ZNF382: variants seen among roughly 807,000 people sequenced by gnomAD.
The protein encoded by ZNF382 is KRAB/zinc finger suppressor protein 1.
ZNF382 carries 20 observed loss-of-function variants against 38.8 expected under a neutral mutation model. The observed-to-expected ratio is 0.51, with a 90% CI of 0.36 to 0.75. ZNF382 has a LOEUF of 0.75. Among genes scored for constraint, ZNF382 ranks in the 30% least tolerant of loss-of-function variants. The probability of loss-of-function intolerance (pLI) is 0.00; values close to 1 mark genes in which losing one functional copy is unlikely to be tolerated. For missense variants in ZNF382, 546 were observed against 654.1 expected (o/e 0.83, Z 1.80); for synonymous variants, 202 against 223.1 (o/e 0.91, Z 0.84).
At chr19:36,617,784 G>A (rs2037136957) in intron 4 of ZNF382, among the ~76,000 whole-genome samples, 1 of 152,166 alleles carries the variant, frequency 6.6e-6, no homozygotes, top group Admixed American at 6.6e-5. Flanking sequence ...ATGGTGATCA[G>A]ATATCACCTG....
At position 36,619,729 on chromosome 19, in the gene ZNF382, GTT is replaced by G. The variant is rs66531552; in HGVS notation, c.233-6389_233-6388del. ...GTTACACTATTCAGAAATTAAAAGAGTTTTTTTTTTTTTCTTTTTGAGATGGA... is the reference window on the plus strand; with the variant it reads ...GTTACACTATTCAGAAATTAAAAGAGTTTTTTTTTTTCTTTTTGAGATGGA... On this transcript the variant is annotated intron_variant, in intron 4 of 4. Coordinates refer to ENST00000292928, the MANE Select transcript of ZNF382 (RefSeq NM_032825.5). Among the ~76,000 whole-genome samples, 9 of 147,922 alleles carry G rather than the reference GTT, an allele frequency of 6.1e-5. No homozygotes were observed. The South Asian group carries it at 6.4e-4, about 11-fold the overall frequency.
Position 36,607,799 on chromosome 19 carries a change from A to G in ZNF382, c.-14+177A>G, listed in dbSNP as rs547829684. On this transcript the variant is annotated intron_variant, in intron 2 of 4. Transcript: ENST00000292928. ...GCATGAGGTGAAATATTTAAGGGGT[A>G]CCCTCAGGGCTGTGCCCTCCTAAAT... 4.9e-5 allele frequency: 32 copies of G among 652,796 alleles called. No individual in the cohort carries two copies. In the Admixed American group the frequency reaches 5.4e-4, roughly 11 times the overall value. The allele number at this position is 652,796 out of a possible 1,614,324, so 40.4% of individuals were successfully genotyped here.
At chr19:36,624,511 G>A (rs2037194425) in intron 4 of ZNF382, among the ~76,000 whole-genome samples, 1 of 152,184 alleles carries the variant, frequency 6.6e-6, no homozygotes, top group African/African-American at 2.4e-5. Flanking sequence ...GGCAACAATA[G>A]TAAGATATAC....
At chr19:36,623,072 T>A (rs1195473237) in intron 4 of ZNF382, among the ~76,000 whole-genome samples, 1 of 152,164 alleles carries the variant, frequency 6.6e-6, no homozygotes, top group Non-Finnish European at 1.5e-5. Context: ...GTTATAATCA[T>A]TCCCCAAAAT....
At position 36,610,695 on chromosome 19, in the gene ZNF382, GAGA is replaced by G; in HGVS notation, c.189_191del (p.Glu64del). 6.2e-7 allele frequency: 1 copy of G among 1,613,502 alleles called. No individual in the cohort carries two copies. The highest frequency in any genetic ancestry group is 1.1e-5 in the South Asian group (1 of 91,016). ...GATATGATCCGCAAGTTGGAACAAG[GAGA>G]AGAGCTATGGACACAGAGAATTTTT... On this transcript the variant is annotated inframe_deletion, in exon 4 of 5. Coordinates refer to ENST00000292928, the MANE Select transcript of ZNF382 (RefSeq NM_032825.5).
Position 36,626,707 on chromosome 19 carries a change from C to T in ZNF382, c.810C>T (p.Tyr270=). 1 of 1,614,058 alleles carries T rather than the reference C, an allele frequency of 6.2e-7. No individual in the cohort carries two copies. ...SNLMEKKPSA[Y]NKYGKFLCRK... ...TTATGGAAAAGAAGCCCTCTGCCTA[C>T]AACAAATATGGGAAATTCCTCTGCA... The change falls in exon 5 of 5, where the codon TAC becomes TAT. Residue 270 remains tyrosine (Y), a synonymous_variant. Coordinates refer to ENST00000292928, the MANE Select transcript of ZNF382 (RefSeq NM_032825.5).
At chr19:36,621,551 T>C (rs547950239) in intron 4 of ZNF382, among the ~76,000 whole-genome samples, 1 of 151,494 alleles carries the variant, frequency 6.6e-6, no homozygotes, top group Admixed American at 6.6e-5. Context: ...ATTCATGGCT[T>C]CCACATCAGC....
chr19:36,609,833 T>C, intron 2 of ZNF382, 69 bp from the exon 3 acceptor site: 1 of 1,402,806 alleles, frequency 7.1e-7, no homozygotes, highest in African/African-American at 1.5e-5. Context: ...AGGAAACTAG[T>C]CTGACCAGTA....
At chr19:36,618,311 A>G (rs981479114) in intron 4 of ZNF382, among the ~76,000 whole-genome samples, 2 of 152,196 alleles carry the variant, frequency 1.3e-5, no homozygotes, top group Non-Finnish European at 2.9e-5. Flanking sequence ...ACAGCCACTG[A>G]ACTCTTTGCT....
At chr19:36,613,501 G>A (rs1316527262) in intron 4 of ZNF382, among the ~76,000 whole-genome samples, 7 of 145,128 alleles carry the variant, frequency 4.8e-5, no homozygotes, top group Non-Finnish European at 1.0e-4. Context: ...TCAACTCACC[G>A]CAACCTCCGC....
At chr19:36,621,074 A>G (rs1600393746) in intron 4 of ZNF382, among the ~76,000 whole-genome samples, 2 of 151,904 alleles carry the variant, frequency 1.3e-5, no homozygotes, top group Non-Finnish European at 2.9e-5. Context: ...CCATAATCTT[A>G]TTTATTATTG....
intron 4 of ZNF382, among the ~76,000 whole-genome samples, chr19:36,618,443 G>T (rs2037142711): frequency 6.6e-6 from 1 of 152,088 alleles, no homozygotes; most frequent in Admixed American, 6.5e-5. Flanking sequence ...CTGCTTTTTT[G>T]ACTTCTCCAT....
intron 4 of ZNF382, among the ~76,000 whole-genome samples, chr19:36,620,905 C>T (rs990058595): frequency 2.0e-5 from 3 of 151,740 alleles, no homozygotes; most frequent in Admixed American, 6.6e-5. Context: ...ATTACAGGCA[C>T]GTGCCACCAC....
Position 36,626,196 on chromosome 19 carries a change from C to G in ZNF382, c.299C>G (p.Pro100Arg), listed in dbSNP as rs1240336968. Residue 100 changes from proline to arginine, a missense_variant, in exon 5 of 5, where the codon CCC becomes CGC. Pro to Arg is a moderately radical substitution (Grantham distance 103). Coordinates refer to ENST00000292928, the MANE Select transcript of ZNF382 (RefSeq NM_032825.5). ...GAATACCAAGACAGGCATTCTAGAC[C>G]CCTCATATTCATCAACCACAAAAAA... The part of the protein sequence containing the change: ...FKEYQDRHSR[P>R]LIFINHKKLI... 6.3e-7 allele frequency: 1 copy of G among 1,586,508 alleles called. No individual in the cohort carries two copies. The highest frequency in any genetic ancestry group is 1.9e-5 in the Admixed American group (1 of 52,732).
rs1170088123 is a variant in ZNF382, at chr19:36,630,383, G to T, written c.*2833G>T. 1 of 147,508 alleles carries T rather than the reference G, an allele frequency of 6.8e-6. No homozygotes were observed. The highest frequency in any genetic ancestry group is 1.5e-5 in the Non-Finnish European group (1 of 67,186). The allele number at this position is 147,508 out of a possible 1,614,324, so 9.1% of individuals were successfully genotyped here. On this transcript the variant is annotated 3_prime_UTR_variant, in exon 5 of 5. Coordinates refer to ENST00000292928, the MANE Select transcript of ZNF382 (RefSeq NM_032825.5). Reference sequence around the variant, plus strand: ...TTTCTTTTTTTTTTTTTTTGAGACAGAGTTTCACTTTTGTTTCCCAGGCTG... The same window carrying T: ...TTTCTTTTTTTTTTTTTTTGAGACATAGTTTCACTTTTGTTTCCCAGGCTG...
At position 36,626,424 on chromosome 19, in the gene ZNF382, A is replaced by T. The variant is rs773815844; in HGVS notation, c.527A>T (p.His176Leu). ...GAGAAATCACTCCTCAATACCAAGC[A>T]TGAGAAAATTCATCCTGCAGTGAAT... is the stretch of plus-strand genomic sequence containing the variant. ...GWEKSLLNTK[H>L]EKIHPAVNLH... Residue 176 changes from histidine (H) to leucine (L), a missense_variant, in exon 5 of 5, where the codon CAT becomes CTT. His to Leu is a moderately conservative substitution (Grantham distance 99). Coordinates refer to ENST00000292928, the MANE Select transcript of ZNF382 (RefSeq NM_032825.5). 3.1e-6 allele frequency: 5 copies of T among 1,605,884 alleles called. No individual in the cohort carries two copies. Among genetic ancestry groups the T allele is most frequent in the Non-Finnish European group, 4.2e-6 (5 of 1,177,574 alleles).
intron 2 of ZNF382, chr19:36,609,626 TG>T (rs1453223451): frequency 4.4e-6 from 1 of 228,196 alleles, no homozygotes; most frequent in Non-Finnish European, 8.5e-6. Flanking sequence ...ACTAAGTGCA[TG>T]TATTTACATG....
At chr19:36,610,801 T>A in intron 4 of ZNF382, 59 bp downstream of exon 4, 3 of 1,291,552 alleles carry the variant, frequency 2.3e-6, no homozygotes, top group Non-Finnish European at 3.3e-6. Flanking sequence ...AGCCTTTGAA[T>A]GTTTTTAGGG....
intron 3 of ZNF382, 40 bp downstream of exon 3, chr19:36,610,093 C>T (rs2037065190): frequency 6.2e-7 from 1 of 1,602,462 alleles, no homozygotes; most frequent in Non-Finnish European, 8.5e-7. Context: ...CATGCATCTC[C>T]TTCTAAGAAT....
Sources: allele counts gnomAD v4.1 joint callset (sites outside exome capture counted in the v4.1 genomes callset), GRCh38; gene constraint gnomAD v4.1.1; transcripts MANE v1.5; gene names NCBI Gene and HGNC (gene_info 2026-07-23, HGNC 2026-07-21).